DHX33: variants seen among roughly 807,000 people sequenced by gnomAD.
DHX33 encodes ATP-dependent RNA helicase DHX33.
A neutral mutation model predicts 72.5 loss-of-function variants in DHX33; 42 were observed. That is an observed-to-expected ratio of 0.58 (90% confidence interval 0.45 to 0.75). DHX33 has a LOEUF of 0.75. Ranked by LOEUF, DHX33 falls within the 30% of genes least tolerant of loss-of-function variation. DHX33 has a pLI of 0.00. For synonymous variants in DHX33, 358 were observed against 366.1 expected (o/e 0.98, Z 0.25); for missense variants, 842 against 917.5 (o/e 0.92, Z 1.06).
At chr17:5,463,366 G>A (rs1904728104) in intron 2 of DHX33, among the ~76,000 whole-genome samples, 163 bp downstream of exon 2, 2 of 152,200 alleles carry the variant, frequency 1.3e-5, no homozygotes, top group Admixed American at 1.3e-4. Flanking sequence ...GGGACCAATA[G>A]AGCCCCTGAT....
intron 4 of DHX33, among the ~76,000 whole-genome samples, chr17:5,460,236 G>A (rs1158513428): frequency 1.3e-5 from 2 of 151,102 alleles, no homozygotes; most frequent in African/African-American, 2.4e-5. Flanking sequence ...GGAGGGTCTC[G>A]ATCTCCTGAC....
In DHX33 at chr17:5,451,074, T is replaced by C. The variant is rs149431234; in HGVS notation, c.1397-140A>G. On this transcript the variant is annotated intron_variant, in intron 8 of 11. Coordinates refer to ENST00000225296, the MANE Select transcript of DHX33 (RefSeq NM_020162.4). ...AACCGCCACTGCCCCCTTGACACAC[T>C]TGTCAAAGAACGACATCACTGTCTT... 1.9e-3 allele frequency: 1,737 copies of C among 937,766 alleles called. 12 individuals carry two copies. The highest frequency in any genetic ancestry group is 0.013 in the Middle Eastern group (44 of 3,484). The allele number at this position is 937,766 out of a possible 1,614,324, so 58.1% of individuals were successfully genotyped here.
chr17:5,464,090 C>T lies in DHX33; in HGVS notation c.290-401G>A, dbSNP rs150023550. Among the ~76,000 whole-genome samples the T allele has an allele frequency of 7.3e-4, 111 of 152,130 alleles. 1 individual carries two copies. The East Asian group carries it at 0.013, about 17-fold the overall frequency. ...GTGGCTCATGCCTGTAATCCTAGCACGTGGGGAGGCCAAGGGAGGAGGATC... is the reference window on the plus strand; with the variant it reads ...GTGGCTCATGCCTGTAATCCTAGCATGTGGGGAGGCCAAGGGAGGAGGATC... On this transcript the variant is annotated intron_variant, in intron 1 of 11. Coordinates refer to ENST00000225296, the MANE Select transcript of DHX33 (RefSeq NM_020162.4).
At chr17:5,458,232 C>A (rs1253992393) in intron 4 of DHX33, among the ~76,000 whole-genome samples, 1 of 152,022 alleles carries the variant, frequency 6.6e-6, no homozygotes, top group African/African-American at 2.4e-5. Flanking sequence ...CCTGCCCCAA[C>A]TGGAACAGCA....
chr17:5,466,317 C>T (rs943066089), intron 1 of DHX33, among the ~76,000 whole-genome samples: 3 of 152,204 alleles, frequency 2.0e-5, no homozygotes, highest in African/African-American at 7.2e-5. Context: ...TGAAAGTAGG[C>T]TGGGCATATT....
chr17:5,450,930 G>A lies in DHX33; in HGVS notation c.1401C>T (p.His467=). The change falls in exon 9 of 12, where the codon CAC becomes CAT. Residue 467 remains histidine, a synonymous_variant. Transcript: ENST00000225296. ...FDFMSKPSPD[H]IQAAIAQLDL... The stretch of plus-strand genomic sequence containing the variant: ...CCAGTTGGGCAATGGCCGCCTGAAT[G>A]TGATCTAAAGAAACAGAGACATAAA... 1 of 1,613,294 alleles carries A rather than the reference G, an allele frequency of 6.2e-7. No individual in the cohort carries two copies. The highest frequency in any genetic ancestry group is 1.1e-5 in the South Asian group (1 of 90,884).
Position 5,456,063 on chromosome 17 carries a change from C to T in DHX33, c.969G>A (p.Leu323=), listed in dbSNP as rs750196201. The T allele has an allele frequency of 2.5e-5, 40 of 1,613,566 alleles. No individual in the cohort carries two copies. Among genetic ancestry groups the T allele is most frequent in the Non-Finnish European group, 4.2e-6 (5 of 1,180,038 alleles). Residue 323 remains leucine (L), a synonymous_variant, in exon 5 of 12, where the codon CTG becomes CTA. Transcript: ENST00000225296. ...KHLPDGCPAM[L]VLPLYASLPY... is the part of the protein sequence containing the mutation. ...GCAGGGAGGCGTACAGAGGAAGGAC[C>T]AGCATCGCAGGGCAGCCGTCTGGGA... is the stretch of plus-strand genomic sequence containing the variant.
chr17:5,454,108 C>G, intron 6 of DHX33, 128 bp from the exon 7 acceptor site: 1 of 1,085,996 alleles, frequency 9.2e-7, no homozygotes, highest in Non-Finnish European at 1.3e-6. Flanking sequence ...AAGGCTAGCA[C>G]AATGGACAGC....
intron 1 of DHX33, among the ~76,000 whole-genome samples, chr17:5,465,731 C>T (rs761078471): frequency 1.1e-4 from 17 of 152,202 alleles, no homozygotes; most frequent in Non-Finnish European, 1.8e-4. Context: ...CTAGGCACCA[C>T]TACTGCCATC....
At chr17:5,465,424 C>A (rs1805439) in intron 1 of DHX33, among the ~76,000 whole-genome samples, 22,379 of 152,226 alleles carry the variant, frequency 0.15, 1,961 homozygotes, top group African/African-American at 0.24. Flanking sequence ...TATACCAGGG[C>A]AACAGAGCGT....
chr17:5,467,531 C>T (rs1597366460), intron 1 of DHX33, among the ~76,000 whole-genome samples: 2 of 152,298 alleles, frequency 1.3e-5, no homozygotes, highest in South Asian at 4.1e-4. Flanking sequence ...GTCAGCACGA[C>T]CATAAACCAC....
At chr17:5,451,208 C>T (rs75424708) in intron 8 of DHX33, among the ~76,000 whole-genome samples, 22,178 of 152,128 alleles carry the variant, frequency 0.15, 2,829 homozygotes, top group East Asian at 0.64. Flanking sequence ...TGGGTTCCAG[C>T]GATTCTCCTG....
chr17:5,460,665 C>G (rs1204732380), intron 4 of DHX33, among the ~76,000 whole-genome samples: 3 of 152,014 alleles, frequency 2.0e-5, no homozygotes, highest in African/African-American at 7.2e-5. Context: ...CGCCATCATG[C>G]CTGGCTAATT....
chr17:5,465,212 A>G (rs976566252), intron 1 of DHX33, among the ~76,000 whole-genome samples: 11 of 152,130 alleles, frequency 7.2e-5, no homozygotes, highest in Non-Finnish European at 1.0e-4. Flanking sequence ...AGCTACCACC[A>G]GGCCTCTCTG....
chr17:5,446,666 G>A (rs555252688), intron 11 of DHX33, among the ~76,000 whole-genome samples: 1 of 152,250 alleles, frequency 6.6e-6, no homozygotes, highest in African/African-American at 2.4e-5. Context: ...GTGTATGTAC[G>A]TCAGGTCACC....
chr17:5,443,825 G>A lies in DHX33; in HGVS notation c.*380C>T, dbSNP rs1023133095. The A allele has an allele frequency of 5.0e-5, 8 of 159,244 alleles. No individual in the cohort carries two copies. The highest frequency in any genetic ancestry group is 1.4e-4 in the South Asian group (1 of 7,210). 9.9% of individuals were successfully genotyped at this position (159,244 alleles called of 1,614,324 possible). A position where few individuals can be genotyped will look rare whatever the true frequency, so the allele number is the denominator to read the frequency against. ...CCTAACGGCTCCCAACTCACTGTAC[G>A]TGTGTCGTGCGTGCTCCAGGCATAG... On this transcript the variant is annotated 3_prime_UTR_variant, in exon 12 of 12. Transcript: ENST00000225296.
In DHX33 at chr17:5,450,204, T is replaced by A; in HGVS notation, c.1727A>T (p.Lys576Met). The A allele has an allele frequency of 6.2e-7, 1 of 1,614,188 alleles. No homozygotes were observed. The highest frequency in any genetic ancestry group is 8.5e-7 in the Non-Finnish European group (1 of 1,180,028). Residue 576 changes from lysine (K) to methionine (M), a missense_variant and splice_region_variant, in exon 10 of 12, where the codon AAG becomes ATG. Transcript: ENST00000225296. ...GAACAGGTGCAAGACAAGGCTCACC[T>A]TATTTCCGCCTAGGTTTTTGAAGGT... ...YRTFKNLGGN[K>M]DWCKENFVNS...
rs776594975 is a variant in DHX33, at chr17:5,444,530, C to T, written c.1816-17G>A. The T allele has an allele frequency of 7.5e-6, 12 of 1,608,488 alleles. No individual in the cohort carries two copies. The highest frequency in any genetic ancestry group is 6.7e-5 in the East Asian group (3 of 44,824). The stretch of plus-strand genomic sequence containing the variant: ...CATTGACATCTGTTTCGGGAGAAAG[C>T]GAGGAATGGAGCCGACCCCACACGT... On this transcript the variant is annotated splice_polypyrimidine_tract_variant and intron_variant, in intron 11 of 11. Transcript: ENST00000225296. This position sits in a 1 kb window ranked among gnomAD's most constrained non-coding sequence, Gnocchi z 4.9.
chr17:5,454,163 G>A (rs1917087419), intron 6 of DHX33, among the ~76,000 whole-genome samples, 183 bp from the exon 7 acceptor site: 1 of 152,196 alleles, frequency 6.6e-6, no homozygotes, highest in Non-Finnish European at 1.5e-5. Context: ...AGTGAAACAA[G>A]GCTTTGCCAT....
Sources: gnomAD v4.1 joint callset for allele counts (sites outside exome capture counted in the v4.1 genomes callset) on GRCh38, gnomAD v4.1.1 for gene constraint, Gnocchi (gnomAD v3.1) non-coding constraint, MANE v1.5 for transcripts, NCBI Gene and HGNC (gene_info 2026-07-23, HGNC 2026-07-21) for gene names.